Variants in SAMD12 observed in about 807,000 individuals in gnomAD.
SAMD12 encodes the protein sterile alpha motif domain-containing protein 12.
Under a neutral mutation model 15.0 loss-of-function variants are expected in SAMD12, and 9 were observed. The ratio of observed to expected loss-of-function variants is 0.60; its 90% CI spans 0.36 to 1.05. SAMD12 has a LOEUF of 1.05. Among genes scored for constraint, SAMD12 ranks in the 50% least tolerant of loss-of-function variants. The pLI, the probability that SAMD12 is intolerant of heterozygous loss-of-function variation, is 0.01. For missense variants in SAMD12, 230 were observed against 234.2 expected (o/e 0.98, Z 0.12); for synonymous variants, 86 against 90.1 (o/e 0.96, Z 0.25).
downstream of SAMD12, among the ~76,000 whole-genome samples, chr8:118,186,792 G>A (rs564964656): frequency 2.6e-5 from 4 of 152,136 alleles, no homozygotes; most frequent in African/African-American, 4.8e-5. Context: ...ATATGGAAAA[G>A]GGTTGAGATT....
At chr8:118,222,787 G>C (rs916369926) in intron 4 of SAMD12, among the ~76,000 whole-genome samples, 1 of 152,068 alleles carries the variant, frequency 6.6e-6, no homozygotes, top group Non-Finnish European at 1.5e-5. Context: ...TTACAAGTGT[G>C]AGCCACGGCA....
intron 2 of SAMD12, among the ~76,000 whole-genome samples, chr8:118,489,755 C>T (rs892641792): frequency 2.0e-5 from 3 of 152,016 alleles, no homozygotes; most frequent in Admixed American, 6.6e-5. Flanking sequence ...TGTTCTAAGC[C>T]CAGTTGTTAT....
At chr8:118,418,241 CCTTAGTGGTTTA>C (rs1821808137) in intron 3 of SAMD12, among the ~76,000 whole-genome samples, 1 of 152,154 alleles carries the variant, frequency 6.6e-6, no homozygotes, top group Non-Finnish European at 1.5e-5. Flanking sequence ...CTGGTTTCAC[CCTTAGTGGTTTA>C]TGCAGCAGTC....
chr8:118,188,256 C>T (rs1047464871), downstream of SAMD12, among the ~76,000 whole-genome samples: 3 of 151,996 alleles, frequency 2.0e-5, no homozygotes, highest in Non-Finnish European at 4.4e-5. Flanking sequence ...GAAATGATCC[C>T]AAAAGGTTAA....
At position 118,349,568 on chromosome 8, in the gene SAMD12, C is replaced by G. The variant is rs77158623; in HGVS notation, c.433+29992G>C. 6.1e-3 allele frequency among the ~76,000 whole-genome samples: 925 copies of G among 152,308 alleles called. 15 individuals carry two copies. Among genetic ancestry groups the G allele is most frequent in the African/African-American group, 0.021 (886 of 41,572 alleles). ...TTCTTCTATTGTTTAAAGTCAGACTCTAGAACATTCTACAGGCTTCCATGG... is the reference window on the plus strand; with the variant it reads ...TTCTTCTATTGTTTAAAGTCAGACTGTAGAACATTCTACAGGCTTCCATGG... On this transcript the variant is annotated intron_variant, in intron 4 of 4. Coordinates refer to the SAMD12 transcript ENST00000409003.
At chr8:118,495,524 G>A (rs1174869125) in intron 2 of SAMD12, among the ~76,000 whole-genome samples, 3 of 149,688 alleles carry the variant, frequency 2.0e-5, no homozygotes, top group Non-Finnish European at 4.4e-5. Flanking sequence ...ACTACAGGAA[G>A]ATAATTAATC....
intron 3 of SAMD12, among the ~76,000 whole-genome samples, chr8:118,382,382 G>C (rs775073069): frequency 6.6e-5 from 10 of 152,204 alleles, no homozygotes; most frequent in Non-Finnish European, 1.3e-4. Context: ...CGAGGGTTTT[G>C]TTCCAGTGCA....
At chr8:118,312,671 A>C (rs1815690047) in intron 4 of SAMD12, among the ~76,000 whole-genome samples, 1 of 152,200 alleles carries the variant, frequency 6.6e-6, no homozygotes, top group African/African-American at 2.4e-5. Context: ...CATGCAGGAC[A>C]GGCTCTCTGT....
At chr8:118,184,036 C>T in the SAMD12 span, among the ~76,000 whole-genome samples, 1 of 152,080 alleles carries the variant, frequency 6.6e-6, no homozygotes, top group African/African-American at 2.4e-5. Flanking sequence ...GAATATTTGA[C>T]CCATAGTAAG....
chr8:118,230,750 A>G (rs535033650), intron 4 of SAMD12, among the ~76,000 whole-genome samples: 73 of 152,144 alleles, frequency 4.8e-4, no homozygotes, highest in Non-Finnish European at 9.1e-4. Context: ...TGGAGTGCAA[A>G]TAAACTTGAG....
chr8:118,353,651 A>C (rs1818074072), intron 4 of SAMD12, among the ~76,000 whole-genome samples: 1 of 152,124 alleles, frequency 6.6e-6, no homozygotes, highest in African/African-American at 2.4e-5. Flanking sequence ...TGAAACTAAG[A>C]CATTATTATT....
chr8:118,435,513 C>A (rs950478552), intron 3 of SAMD12, among the ~76,000 whole-genome samples: 3 of 152,070 alleles, frequency 2.0e-5, no homozygotes, highest in Non-Finnish European at 4.4e-5. Flanking sequence ...ACATCTGCCA[C>A]CAAAGAGCAG....
downstream of SAMD12, among the ~76,000 whole-genome samples, chr8:118,373,979 A>G (rs888268839): frequency 6.6e-6 from 1 of 152,116 alleles, no homozygotes; most frequent in Non-Finnish European, 1.5e-5. Flanking sequence ...ACAATGGGCT[A>G]GCAATTTTTT....
rs572120588 is a variant in SAMD12, at chr8:118,327,592, A to G, written c.433+51968T>C. Among the ~76,000 whole-genome samples the G allele has an allele frequency of 8.5e-5, 13 of 152,308 alleles. No homozygotes were observed. The South Asian group carries it at 2.7e-3, about 32-fold the overall frequency. On this transcript the variant is annotated intron_variant, in intron 4 of 4. Transcript: ENST00000409003. ...TGGGAAATCAAGTGAAGTTTCATTGAAATTAATTCTCTGATACTTAAAAAT... is the reference window on the plus strand; with the variant it reads ...TGGGAAATCAAGTGAAGTTTCATTGGAATTAATTCTCTGATACTTAAAAAT...
intron 3 of SAMD12, among the ~76,000 whole-genome samples, chr8:118,432,479 C>G (rs966555816): frequency 2.0e-5 from 3 of 152,188 alleles, no homozygotes; most frequent in African/African-American, 7.2e-5. Flanking sequence ...TCATCAAGAG[C>G]TTTCTTTGGC....
chr8:118,212,370 C>CT (rs1811854440), intron 4 of SAMD12, among the ~76,000 whole-genome samples: 1 of 152,102 alleles, frequency 6.6e-6, no homozygotes, highest in Admixed American at 6.6e-5. Context: ...TGATATAATG[C>CT]TTTTTATAGT....
chr8:118,268,800 C>A (rs1813268157), intron 4 of SAMD12, among the ~76,000 whole-genome samples: 1 of 152,128 alleles, frequency 6.6e-6, no homozygotes, highest in African/African-American at 2.4e-5. Context: ...AGCAACAAAG[C>A]CAGACTCTGT....
At chr8:118,531,698 G>A (rs1825689144) in intron 2 of SAMD12, among the ~76,000 whole-genome samples, 1 of 152,150 alleles carries the variant, frequency 6.6e-6, no homozygotes, top group Non-Finnish European at 1.5e-5. Flanking sequence ...AATTGTGAAT[G>A]GGATTTCACT....
rs116477641 is a variant in SAMD12 at position 118,384,972 on chromosome 8, C to T, written c.323-5272G>A. Among the ~76,000 whole-genome samples, 557 of 152,152 alleles carry T rather than the reference C, an allele frequency of 3.7e-3. 2 individuals carry two copies. The highest frequency in any genetic ancestry group is 0.011 in the African/African-American group (471 of 41,500). On this transcript the variant is annotated intron_variant, in intron 3 of 3. Transcript: ENST00000314727. ...CAGAACTCCTTGTAGAGGCTCGGGC[C>T]AGGGAATATTCAGTGAGGATGTTCC...
Sources: gnomAD v4.1 joint callset for allele counts (sites outside exome capture counted in the v4.1 genomes callset) on GRCh38, gnomAD v4.1.1 for gene constraint, MANE v1.5 for transcripts, NCBI Gene and HGNC (gene_info 2026-07-23, HGNC 2026-07-21) for gene names.